SLFN13: variants seen among roughly 807,000 people sequenced by gnomAD.
SLFN13 encodes the protein schlafen family member 13, also known as schlafen-13.
A neutral mutation model predicts 50.6 loss-of-function variants in SLFN13; 43 were observed. The observed-to-expected ratio is 0.85, with a 90% CI of 0.67 to 1.09. The LOEUF is 1.09. Among genes scored for constraint, SLFN13 ranks in the 50% least tolerant of loss-of-function variants. The pLI, the probability that SLFN13 is intolerant of heterozygous loss-of-function variation, is 0.00. For synonymous variants in SLFN13, 339 were observed against 386.5 expected (o/e 0.88, Z 1.44); for missense variants, 881 against 1,071.1 (o/e 0.82, Z 2.48).
Position 35,437,487 on chromosome 17 carries a change from C to G in SLFN13, c.*3108G>C, listed in dbSNP as rs1257296431. The G allele has an allele frequency of 6.6e-6, 1 of 152,098 alleles. No individual in the cohort carries two copies. The highest frequency in any genetic ancestry group is 1.5e-5 in the Non-Finnish European group (1 of 68,022). The allele number at this position is 152,098 out of a possible 1,614,324, so 9.4% of individuals were successfully genotyped here. ...GTCTTTCACTATGCTCAAGGCTTTACTAAGTTTTGTTAAAAGTAGGGCCAG... is the reference window on the plus strand; with the variant it reads ...GTCTTTCACTATGCTCAAGGCTTTAGTAAGTTTTGTTAAAAGTAGGGCCAG... On this transcript the variant is annotated 3_prime_UTR_variant, in exon 6 of 6. Transcript: ENST00000285013.
chr17:35,443,891 C>T lies in SLFN13; in HGVS notation c.1096G>A (p.Glu366Lys). 6.2e-7 allele frequency: 1 copy of T among 1,613,592 alleles called. No homozygotes were observed. Among genetic ancestry groups the T allele is most frequent in the Non-Finnish European group, 8.5e-7 (1 of 1,179,630 alleles). Residue 366 changes from glutamate to lysine, a missense_variant, in exon 4 of 6, where the codon GAG (glutamate) becomes AAG (lysine). By Grantham distance (56) the Glu-to-Lys change is moderately conservative. This residue lies in a region of SLFN13 where 497 missense variants were observed against 518.3 expected (regional missense o/e 0.96). Transcript: ENST00000285013. Reference sequence around the variant, plus strand: ...CTGTCAGATAGACTCAACTGAGACTCAAAGGCCTCAGCAAAGTCTGGAGGA... The same window carrying T: ...CTGTCAGATAGACTCAACTGAGACTTAAAGGCCTCAGCAAAGTCTGGAGGA... ...EFPPDFAEAF[E>K]SQLSLSDSPS... is the part of the protein sequence containing the mutation.
rs139096252 is a variant in SLFN13, at chr17:35,443,889, C to G, written c.1098G>C (p.Glu366Asp). The change falls in exon 4 of 6, where the codon GAG becomes GAC. Residue 366 changes from glutamate to aspartate, a missense_variant. By Grantham distance (45) the Glu-to-Asp change is conservative. Around this residue, in one of 5 missense-constraint regions of SLFN13, gnomAD observed 497 missense variants for 518.3 expected, o/e 0.96. Coordinates refer to ENST00000285013, the MANE Select transcript of SLFN13 (RefSeq NM_144682.6). ...EFPPDFAEAF[E>D]SQLSLSDSPS... ...GACTGTCAGATAGACTCAACTGAGA[C>G]TCAAAGGCCTCAGCAAAGTCTGGAG... The G allele has an allele frequency of 1.2e-6, 2 of 1,613,612 alleles. No homozygotes were observed. The highest frequency in any genetic ancestry group is 2.7e-5 in the African/African-American group (2 of 74,918).
chr17:35,441,688 G>A lies in SLFN13; in HGVS notation c.1797C>T (p.Gly599=). 6.2e-7 allele frequency: 1 copy of A among 1,600,692 alleles called. No homozygotes were observed. The highest frequency in any genetic ancestry group is 8.5e-7 in the Non-Finnish European group (1 of 1,173,016). ...LRKNRELFVH[G]LPGSGKTIMA... ...TGATGGTCTTCCCTGAGCCAGGTAA[G>A]CCGTGGACAAACAACTCTCTGTTCT... The change falls in exon 5 of 6, where the codon GGC becomes GGT. Residue 599 remains glycine (G), a synonymous_variant. Transcript: ENST00000285013.
At position 35,440,504 on chromosome 17, in the gene SLFN13, G is replaced by T; in HGVS notation, c.*91C>A. 6.9e-7 allele frequency: 1 copy of T among 1,440,734 alleles called. No individual in the cohort carries two copies. 89.2% of individuals were successfully genotyped at this position (1,440,734 alleles called of 1,614,324 possible). On this transcript the variant is annotated 3_prime_UTR_variant, in exon 6 of 6. Transcript: ENST00000285013. ...CTGTCCAAATCTCTAACTGACTTGT[G>T]AACTAAAAAGAAAGGTTTCTACCAT...
rs1912798443 is a variant in SLFN13, at chr17:35,440,513, AG to A, written c.*81del. The A allele has an allele frequency of 1.3e-6, 2 of 1,492,748 alleles. No individual in the cohort carries two copies. The highest frequency in any genetic ancestry group is 2.6e-5 in the South Asian group (2 of 78,430). The allele number at this position is 1,492,748 out of a possible 1,614,324, so 92.5% of individuals were successfully genotyped here. A position where few individuals can be genotyped will look rare whatever the true frequency, so the allele number is the denominator to read the frequency against. Reference sequence around the variant, plus strand: ...TCTCTAACTGACTTGTGAACTAAAAAGAAAGGTTTCTACCATCAGCAGACTG... The same window carrying A: ...TCTCTAACTGACTTGTGAACTAAAAAAAAGGTTTCTACCATCAGCAGACTG... On this transcript the variant is annotated 3_prime_UTR_variant, in exon 6 of 6. Transcript: ENST00000285013.
In SLFN13 at chr17:35,444,965, T is replaced by C; in HGVS notation, c.716A>G (p.Asn239Ser). ...AATAAAAAGATAGCCTCCCTCAGTG[T>C]TTGCAAATGCAGAGATGTACTCTGG... is the stretch of plus-strand genomic sequence containing the variant. ...IIPEYISAFA[N>S]TEGGYLFIGV... Residue 239 changes from asparagine (N) to serine (S), a missense_variant, in exon 3 of 6, where the codon AAC (asparagine) becomes AGC (serine). Physicochemically the swap from Asn to Ser is conservative, Grantham distance 46 (BLOSUM62 1). This residue lies in a region of SLFN13 where 497 missense variants were observed against 518.3 expected (regional missense o/e 0.96). Coordinates refer to ENST00000285013, the MANE Select transcript of SLFN13 (RefSeq NM_144682.6). 6.2e-7 allele frequency: 1 copy of C among 1,614,212 alleles called. No homozygotes were observed. Among genetic ancestry groups the C allele is most frequent in the Non-Finnish European group, 8.5e-7 (1 of 1,180,042 alleles).
At position 35,443,932 on chromosome 17, in the gene SLFN13, A is replaced by G. The variant is rs1488977701; in HGVS notation, c.1067-12T>C. ...GTCTGGAGGAAACTCTGAAAGAAAGAACATTTTAATTTACACTATATGATT... is the reference window on the plus strand; with the variant it reads ...GTCTGGAGGAAACTCTGAAAGAAAGGACATTTTAATTTACACTATATGATT... On this transcript the variant is annotated splice_polypyrimidine_tract_variant and intron_variant, in intron 3 of 5. Transcript: ENST00000285013. The G allele has an allele frequency of 1.9e-6, 3 of 1,611,768 alleles. No individual in the cohort carries two copies.
At chr17:35,448,841 C>T (rs1016077070), upstream of SLFN13, 1 of 152,298 alleles carries the variant, frequency 6.6e-6, no homozygotes, top group African/African-American at 2.4e-5. Context: ...AGGGGATGAA[C>T]GAACCAATGG....
In SLFN13 at chr17:35,445,709, T is replaced by A. The variant is rs773245151; in HGVS notation, c.-13-16A>T. On this transcript the variant is annotated splice_polypyrimidine_tract_variant and intron_variant, in intron 2 of 5. Coordinates refer to ENST00000285013, the MANE Select transcript of SLFN13 (RefSeq NM_144682.6). ...GAACTTGCACCTTAAAGTATTAGAA[T>A]ATTTGTTTCATTTTTGATTAAAAAA... is the stretch of plus-strand genomic sequence containing the variant. 2 of 1,525,148 alleles carry A rather than the reference T, an allele frequency of 1.3e-6. No individual in the cohort carries two copies. The allele number at this position is 1,525,148 out of a possible 1,614,324, so 94.5% of individuals were successfully genotyped here.
chr17:35,443,470 T>A (rs892706674), intron 4 of SLFN13, among the ~76,000 whole-genome samples: 1 of 152,192 alleles, frequency 6.6e-6, no homozygotes, highest in African/African-American at 2.4e-5. Flanking sequence ...CAGCAGGGCA[T>A]CAGAATAATT....
In SLFN13 at chr17:35,438,703, G is replaced by T. The variant is rs1268564248; in HGVS notation, c.*1892C>A. Reference sequence around the variant, plus strand: ...GAATTCCATGAGTTAACACAAATAGGAGAAAGACTGGCAGAAAAGTTCAAA... The same window carrying T: ...GAATTCCATGAGTTAACACAAATAGTAGAAAGACTGGCAGAAAAGTTCAAA... On this transcript the variant is annotated 3_prime_UTR_variant, in exon 6 of 6. Coordinates refer to ENST00000285013, the MANE Select transcript of SLFN13 (RefSeq NM_144682.6). The T allele has an allele frequency of 6.6e-6, 1 of 152,086 alleles. No homozygotes were observed. Among genetic ancestry groups the T allele is most frequent in the Non-Finnish European group, 1.5e-5 (1 of 68,018 alleles). 9.4% of individuals were successfully genotyped at this position (152,086 alleles called of 1,614,324 possible).
At chr17:35,445,927 G>T (rs1018128119) in intron 2 of SLFN13, 1 of 414,162 alleles carries the variant, frequency 2.4e-6, no homozygotes, top group South Asian at 5.0e-5. Flanking sequence ...ACATTGAATA[G>T]GGTATCTGAA....
chr17:35,444,874 CAA>C lies in SLFN13; in HGVS notation c.805_806del (p.Leu269GlufsTer10), dbSNP rs767897869. On this transcript the variant is annotated frameshift_variant, in exon 3 of 6. Transcript: ENST00000285013. LOFTEE classifies it high-confidence loss of function. ...CAKEQVDPDS[L>X]KNVIARAISK... ...AAATTGCTCTTGCAATTACATTTTT[CAA>C]AGAGTCAGGGTCAACCTGTTCTTTG... The C allele has an allele frequency of 1.2e-6, 2 of 1,614,210 alleles. No homozygotes were observed. Among genetic ancestry groups the C allele is most frequent in the Non-Finnish European group, 1.7e-6 (2 of 1,180,042 alleles).
intron 4 of SLFN13, among the ~76,000 whole-genome samples, chr17:35,442,667 T>G (rs1339636079): frequency 6.6e-6 from 1 of 152,082 alleles, no homozygotes; most frequent in Non-Finnish European, 1.5e-5. Flanking sequence ...ATGGTCTCGA[T>G]CTCCTGACCT....
rs2142064853 is a variant in SLFN13 at position 35,437,029 on chromosome 17, G to C, written c.*3566C>G. 1 of 152,182 alleles carries C rather than the reference G, an allele frequency of 6.6e-6. No individual in the cohort carries two copies. Among genetic ancestry groups the C allele is most frequent in the South Asian group, 2.1e-4 (1 of 4,824 alleles). 9.4% of individuals were successfully genotyped at this position (152,182 alleles called of 1,614,324 possible). ...TAGGAAACACCCACTGAAGTATTTAGTGGTAAATGGGAACCCTGTCCGCTA... is the reference window on the plus strand; with the variant it reads ...TAGGAAACACCCACTGAAGTATTTACTGGTAAATGGGAACCCTGTCCGCTA... On this transcript the variant is annotated 3_prime_UTR_variant, in exon 6 of 6. Coordinates refer to ENST00000285013, the MANE Select transcript of SLFN13 (RefSeq NM_144682.6).
chr17:35,447,581 AG>A (rs1433938092), intron 1 of SLFN13, among the ~76,000 whole-genome samples, 167 bp from the exon 2 acceptor site: 1 of 152,204 alleles, frequency 6.6e-6, no homozygotes, highest in African/African-American at 2.4e-5. Context: ...GGTATACTGT[AG>A]GTAAAATCAG....
rs1340635668 is a variant in SLFN13, at chr17:35,437,494, T to C, written c.*3101A>G. ...ACTATGCTCAAGGCTTTACTAAGTT[T>C]TGTTAAAAGTAGGGCCAGGTGTTGA... is the stretch of plus-strand genomic sequence containing the variant. On this transcript the variant is annotated 3_prime_UTR_variant, in exon 6 of 6. Coordinates refer to ENST00000285013, the MANE Select transcript of SLFN13 (RefSeq NM_144682.6). 6.6e-6 allele frequency: 1 copy of C among 152,174 alleles called. No individual in the cohort carries two copies. The highest frequency in any genetic ancestry group is 2.4e-5 in the African/African-American group (1 of 41,444). The allele number at this position is 152,174 out of a possible 1,614,324, so 9.4% of individuals were successfully genotyped here.
At chr17:35,446,566 T>C (rs998019526) in intron 2 of SLFN13, among the ~76,000 whole-genome samples, 2 of 152,244 alleles carry the variant, frequency 1.3e-5, no homozygotes, top group Non-Finnish European at 2.9e-5. Flanking sequence ...ACTGTTATTA[T>C]GAAGATTAAC....
Position 35,435,711 on chromosome 17 carries a change from G to C in SLFN13, c.*4884C>G, listed in dbSNP as rs1017724445. On this transcript the variant is annotated 3_prime_UTR_variant, in exon 6 of 6. Transcript: ENST00000285013. ...CAAAAGCTTTTTCCTCTATTCAGAT[G>C]ATCATGTGATTTTTCTCTTTTGAAC... 1.3e-5 allele frequency: 2 copies of C among 152,108 alleles called. No homozygotes were observed. Among genetic ancestry groups the C allele is most frequent in the Admixed American group, 6.5e-5 (1 of 15,274 alleles). 9.4% of individuals were successfully genotyped at this position (152,108 alleles called of 1,614,324 possible).
Sources: gnomAD v4.1 joint callset for allele counts (sites outside exome capture counted in the v4.1 genomes callset) on GRCh38, gnomAD v4.1.1 for gene constraint, gnomAD v4.1.1 regional missense constraint, MANE v1.5 for transcripts, NCBI Gene and HGNC (gene_info 2026-07-23, HGNC 2026-07-21) for gene names.